Variants in FILIP1 observed in about 807,000 individuals in gnomAD.
FILIP1 encodes filamin-A-interacting protein 1.
Under a neutral mutation model 102.1 loss-of-function variants are expected in FILIP1, and 61 were observed. The observed-to-expected ratio is 0.60, with a 90% CI of 0.49 to 0.74. FILIP1 has a LOEUF of 0.74. FILIP1 is among the 30% of genes least tolerant of loss of function. The probability of loss-of-function intolerance (pLI) is 0.00; values close to 1 mark genes in which losing one functional copy is unlikely to be tolerated. For synonymous variants in FILIP1, 491 were observed against 526.9 expected, an observed-to-expected ratio of 0.93 and a Z score of 0.93; for missense variants, 1,314 against 1,441.2, an observed-to-expected ratio of 0.91 and a Z score of 1.43.
At chr6:75,440,186 G>T (rs2859762) in intron 1 of FILIP1, among the ~76,000 whole-genome samples, 7,167 of 152,052 alleles carry the variant, frequency 0.047, 548 homozygotes, top group African/African-American at 0.16. Context: ...GCAACTTTTT[G>T]GGAATCTAAC....
intron 4 of FILIP1, among the ~76,000 whole-genome samples, chr6:75,347,789 C>T (rs1034890555): frequency 6.6e-6 from 1 of 152,124 alleles, no homozygotes; most frequent in African/African-American, 2.4e-5. Context: ...ACCCCCTGTT[C>T]ATATTGACTT....
At chr6:75,480,022 A>T (rs1779605776) in intron 1 of FILIP1, among the ~76,000 whole-genome samples, 1 of 152,002 alleles carries the variant, frequency 6.6e-6, no homozygotes, top group Non-Finnish European at 1.5e-5. Context: ...GTTTTTATGG[A>T]ATCAGATGTT....
chr6:75,307,815 C>T (rs1379432631), downstream of FILIP1, among the ~76,000 whole-genome samples: 1 of 152,172 alleles, frequency 6.6e-6, no homozygotes, highest in African/African-American at 2.4e-5. Flanking sequence ...TTAAGATATG[C>T]ATGATGTCAT....
chr6:75,463,564 G>A (rs1440776011), intron 1 of FILIP1, among the ~76,000 whole-genome samples: 1 of 152,162 alleles, frequency 6.6e-6, no homozygotes, highest in African/African-American at 2.4e-5. Flanking sequence ...TGATTCCTCT[G>A]AGACTTCCAA....
At chr6:75,401,934 T>A (rs1776673210) in intron 2 of FILIP1, among the ~76,000 whole-genome samples, 1 of 152,232 alleles carries the variant, frequency 6.6e-6, no homozygotes, top group Admixed American at 6.5e-5. Context: ...TATTTATATA[T>A]AATTTAGTTT....
chr6:75,357,060 C>A (rs1355982481), intron 3 of FILIP1, among the ~76,000 whole-genome samples: 1 of 152,148 alleles, frequency 6.6e-6, no homozygotes, highest in Admixed American at 6.5e-5. Flanking sequence ...TCAGGCCCTA[C>A]CCAACTCCTC....
intron 4 of FILIP1, among the ~76,000 whole-genome samples, chr6:75,320,273 T>C (rs1334821866): frequency 6.6e-6 from 1 of 152,010 alleles, no homozygotes; most frequent in Non-Finnish European, 1.5e-5. Context: ...CATAAATCTG[T>C]AGGCTGGGAG....
chr6:75,297,951 G>A (rs1772728570), intron 6 of FILIP1, among the ~76,000 whole-genome samples: 2 of 152,178 alleles, frequency 1.3e-5, no homozygotes, highest in East Asian at 1.9e-4. Context: ...TTAACATTTT[G>A]TATTACTACA....
In FILIP1 at chr6:75,312,776, G is replaced by T. The variant is rs1773253334; in HGVS notation, c.3056C>A (p.Ala1019Asp). The T allele has an allele frequency of 6.2e-7, 1 of 1,614,104 alleles. No individual in the cohort carries two copies. The highest frequency in any genetic ancestry group is 1.7e-5 in the Admixed American group (1 of 60,006). ...GGATTCGGGAGAAACTGCAATCTCA[G>T]CTGGTGCTGCTGATGTAGACACCGT... is the stretch of plus-strand genomic sequence containing the variant. ...IMTVSTSAAP[A>D]EIAVSPESQE... is the part of the protein sequence containing the mutation. Residue 1019 changes from alanine (A) to aspartate (D), a missense_variant, in exon 5 of 6, where the codon GCT becomes GAT. By Grantham distance (126) the Ala-to-Asp change is moderately radical. This residue lies in a region of FILIP1 where 816 missense variants were observed against 913.1 expected (regional missense o/e 0.89). Transcript: ENST00000237172.
At chr6:75,374,265 G>A (rs1209139845) in intron 2 of FILIP1, among the ~76,000 whole-genome samples, 1 of 152,210 alleles carries the variant, frequency 6.6e-6, no homozygotes, top group Non-Finnish European at 1.5e-5. Flanking sequence ...CTAAAAGACT[G>A]CAAGCTCTCA....
At chr6:75,328,606 A>T (rs553125935) in intron 4 of FILIP1, among the ~76,000 whole-genome samples, 8 of 152,286 alleles carry the variant, frequency 5.3e-5, no homozygotes, top group African/African-American at 1.7e-4. Context: ...CTCCTGCCTC[A>T]GCCTCATGAG....
At chr6:75,425,653 C>A (rs1777602717) in intron 1 of FILIP1, among the ~76,000 whole-genome samples, 1 of 152,058 alleles carries the variant, frequency 6.6e-6, no homozygotes, top group Admixed American at 6.6e-5. Context: ...CATCCCTAAC[C>A]CCACACATGT....
At chr6:75,417,284 T>C (rs1383212595) in intron 1 of FILIP1, among the ~76,000 whole-genome samples, 2 of 152,196 alleles carry the variant, frequency 1.3e-5, no homozygotes, top group Non-Finnish European at 2.9e-5. Flanking sequence ...TTTTTAGTCC[T>C]TTCTCAGTTA....
In FILIP1 at chr6:75,312,954, C is replaced by T. The variant is rs538214169; in HGVS notation, c.2878G>A (p.Val960Ile). The change falls in exon 5 of 6, where the codon GTT (valine) becomes ATT (isoleucine). Residue 960 changes from valine to isoleucine, a missense_variant. Coordinates refer to ENST00000237172, the MANE Select transcript of FILIP1 (RefSeq NM_015687.5). ...CCACTTTTTTGTTTTTGAGGCATAACGTTTGGTGATGGAATAATGGTTATT... is the reference window on the plus strand; with the variant it reads ...CCACTTTTTTGTTTTTGAGGCATAATGTTTGGTGATGGAATAATGGTTATT... ...PRITIIPSPN[V>I]MPQKQKSGDT... 13 of 1,613,906 alleles carry T rather than the reference C, an allele frequency of 8.1e-6. No individual in the cohort carries two copies. Among genetic ancestry groups the T allele is most frequent in the South Asian group, 1.1e-5 (1 of 91,072 alleles).
chr6:75,432,272 C>T (rs1221747964), intron 1 of FILIP1, among the ~76,000 whole-genome samples: 1 of 152,094 alleles, frequency 6.6e-6, no homozygotes, highest in Admixed American at 6.5e-5. Context: ...TAAATGTTAC[C>T]TATGAAATTA....
chr6:75,448,053 T>G (rs1778496994), intron 1 of FILIP1, among the ~76,000 whole-genome samples: 1 of 152,092 alleles, frequency 6.6e-6, no homozygotes, highest in Non-Finnish European at 1.5e-5. Flanking sequence ...CCCACATAGA[T>G]GAGGAAAAAA....
At chr6:75,400,189 C>T (rs534314802) in intron 2 of FILIP1, among the ~76,000 whole-genome samples, 2 of 152,242 alleles carry the variant, frequency 1.3e-5, no homozygotes, top group East Asian at 3.9e-4. Flanking sequence ...CACTCTTGGT[C>T]GCTATGCTGA....
chr6:75,481,044 C>G (rs1400041023), intron 1 of FILIP1, among the ~76,000 whole-genome samples: 3 of 152,228 alleles, frequency 2.0e-5, no homozygotes, highest in Non-Finnish European at 4.4e-5. Context: ...GTTTGTCAGG[C>G]CCTATCTTAT....
chr6:75,381,428 C>T (rs1053837994), intron 2 of FILIP1, among the ~76,000 whole-genome samples: 2 of 152,066 alleles, frequency 1.3e-5, no homozygotes, highest in African/African-American at 2.4e-5. Context: ...TGAGGTTTCA[C>T]CATGTTGGTC....
Sources: gnomAD v4.1 joint callset for allele counts (sites outside exome capture counted in the v4.1 genomes callset) on GRCh38, gnomAD v4.1.1 for gene constraint, gnomAD v4.1.1 regional missense constraint, MANE v1.5 for transcripts, NCBI Gene and HGNC (gene_info 2026-07-23, HGNC 2026-07-21) for gene names.